The following MAPK10 variants were observed in gnomAD, a reference collection of about 807,000 sequenced individuals.
MAPK10 encodes the protein JNK3 alpha protein kinase.
In MAPK10, 25 loss-of-function variants were observed where a neutral mutation model predicts 59.3. The observed-to-expected ratio is 0.42, with a 90% CI of 0.31 to 0.59. The LOEUF is 0.59. MAPK10 is among the 20% of genes least tolerant of loss of function. The pLI is 0.15. For missense variants in MAPK10, 351 were observed against 568.9 expected, an observed-to-expected ratio of 0.62 and a Z score of 3.90; for synonymous variants, 190 against 200.5, an observed-to-expected ratio of 0.95 and a Z score of 0.44.
chr4:86,164,274 T>G (rs926159259), intron 3 of MAPK10, among the ~76,000 whole-genome samples: 1 of 152,124 alleles, frequency 6.6e-6, no homozygotes, highest in African/African-American at 2.4e-5. Context: ...AGAGAAACAA[T>G]AAAACCATTA....
chr4:86,271,720 T>C (rs1297190457), intron 2 of MAPK10, among the ~76,000 whole-genome samples: 2 of 151,950 alleles, frequency 1.3e-5, no homozygotes, highest in Admixed American at 6.6e-5. Flanking sequence ...AACACATCCT[T>C]CTTCAAATGG....
At chr4:86,578,135 C>G (rs1463236596) in intron 1 of MAPK10, among the ~76,000 whole-genome samples, 1 of 152,042 alleles carries the variant, frequency 6.6e-6, no homozygotes, top group African/African-American at 2.4e-5. Flanking sequence ...TGATGTTGCT[C>G]CCAACCCCAG....
chr4:86,317,748 C>A (rs1055890011), intron 2 of MAPK10, among the ~76,000 whole-genome samples: 1 of 152,154 alleles, frequency 6.6e-6, no homozygotes, highest in South Asian at 2.1e-4. Context: ...AAATTATTTG[C>A]TATACTATTT....
At chr4:86,493,387 C>A (rs554274632) in intron 1 of MAPK10, among the ~76,000 whole-genome samples, 2 of 152,322 alleles carry the variant, frequency 1.3e-5, no homozygotes, top group African/African-American at 4.8e-5. Flanking sequence ...TATCTGCACA[C>A]AGAAAAGCAA....
chr4:86,414,710 G>A (rs1397587063), intron 1 of MAPK10, among the ~76,000 whole-genome samples: 1 of 152,026 alleles, frequency 6.6e-6, no homozygotes, highest in African/African-American at 2.4e-5. Context: ...CTGATCTAGT[G>A]GAACTTAAAT....
chr4:86,338,279 T>A (rs4613534), intron 2 of MAPK10, among the ~76,000 whole-genome samples: 110,669 of 151,566 alleles, frequency 0.73, 40,977 homozygotes, highest in South Asian at 0.9. Context: ...ACACTAAAAC[T>A]AACTGGCTCT....
At chr4:86,136,832 G>A (rs1309992007) in intron 4 of MAPK10, among the ~76,000 whole-genome samples, 1 of 151,824 alleles carries the variant, frequency 6.6e-6, no homozygotes, top group African/African-American at 2.4e-5. Flanking sequence ...ATAAAAGGAT[G>A]GAGGAAGATC....
chr4:86,424,811 T>C (rs1263857891), intron 1 of MAPK10, among the ~76,000 whole-genome samples: 2 of 152,154 alleles, frequency 1.3e-5, no homozygotes, highest in Non-Finnish European at 2.9e-5. Context: ...GAATTGTGAC[T>C]AATTTGATAT....
intron 4 of MAPK10, among the ~76,000 whole-genome samples, chr4:86,108,166 T>C (rs1279082530): frequency 6.6e-6 from 1 of 152,204 alleles, no homozygotes; most frequent in Non-Finnish European, 1.5e-5. Context: ...ATAAATGCTA[T>C]TCACATGTGA....
At chr4:86,377,296 G>C (rs897382275) in intron 1 of MAPK10, among the ~76,000 whole-genome samples, 13 of 152,160 alleles carry the variant, frequency 8.5e-5, no homozygotes, top group African/African-American at 3.1e-4. Flanking sequence ...TTCCAGTACA[G>C]CTCTACTGCC....
intron 1 of MAPK10, among the ~76,000 whole-genome samples, chr4:86,579,516 TACACACACACACACACACACAC>T (rs35878270): frequency 3.4e-5 from 5 of 146,186 alleles, no homozygotes; most frequent in African/African-American, 5.0e-5. Flanking sequence ...GATATGTGTA[TACACACACACACACACACACAC>T]ACACACACAC....
chr4:86,262,566 A>G (rs2094039386), intron 2 of MAPK10, among the ~76,000 whole-genome samples: 1 of 152,196 alleles, frequency 6.6e-6, no homozygotes, highest in South Asian at 2.1e-4. Context: ...CTAGGCTCCT[A>G]GTGTGTACTG....
chr4:86,162,131 T>C (rs953685946), intron 3 of MAPK10, among the ~76,000 whole-genome samples: 1 of 151,842 alleles, frequency 6.6e-6, no homozygotes, highest in African/African-American at 2.4e-5. Context: ...TAAGGTTCAG[T>C]CTAGAATGAA....
chr4:86,188,756 C>A (rs2078912868), intron 3 of MAPK10, among the ~76,000 whole-genome samples: 1 of 152,290 alleles, frequency 6.6e-6, no homozygotes, highest in Non-Finnish European at 1.5e-5. Context: ...AACTAGATCC[C>A]ATTTGTCAAT....
At chr4:86,343,092 C>T (rs1005027922) in intron 2 of MAPK10, among the ~76,000 whole-genome samples, 2 of 152,134 alleles carry the variant, frequency 1.3e-5, no homozygotes, top group East Asian at 1.9e-4. Context: ...ACTCCAAACC[C>T]ACTCTGCTCC....
At chr4:86,355,910 T>C (rs756493737) in intron 1 of MAPK10, among the ~76,000 whole-genome samples, 1 of 152,186 alleles carries the variant, frequency 6.6e-6, no homozygotes, top group East Asian at 1.9e-4. Context: ...GCAATCCATT[T>C]TCAGAAAGCA....
At chr4:86,400,966 A>C (rs1331214252) in intron 1 of MAPK10, among the ~76,000 whole-genome samples, 1 of 152,162 alleles carries the variant, frequency 6.6e-6, no homozygotes, top group Non-Finnish European at 1.5e-5. Context: ...TAAATGACAA[A>C]ATCAAATGTG....
intron 11 of MAPK10, among the ~76,000 whole-genome samples, chr4:86,038,065 C>T (rs2040709547): frequency 6.6e-6 from 1 of 152,196 alleles, no homozygotes; most frequent in Non-Finnish European, 1.5e-5. Flanking sequence ...GACCTCTAAA[C>T]ACATGAATCT....
chr4:86,580,469 A>G (rs1449345899), intron 1 of MAPK10, among the ~76,000 whole-genome samples: 1 of 152,130 alleles, frequency 6.6e-6, no homozygotes, highest in Admixed American at 6.5e-5. Context: ...ACTGCATTCC[A>G]GCCTGTGCGA....
Sources: gnomAD v4.1 joint callset for allele counts (sites outside exome capture counted in the v4.1 genomes callset) on GRCh38, gnomAD v4.1.1 for gene constraint, MANE v1.5 for transcripts, NCBI Gene and HGNC (gene_info 2026-07-23, HGNC 2026-07-21) for gene names.